The following KPNA5 variants were observed in gnomAD, a reference collection of about 807,000 sequenced individuals.
The protein encoded by KPNA5 is karyopherin subunit alpha 5.
In KPNA5, 46 loss-of-function variants were observed where a neutral mutation model predicts 71.3. The ratio of observed to expected loss-of-function variants is 0.65; its 90% CI spans 0.51 to 0.83. The LOEUF (loss-of-function observed/expected upper bound fraction) is 0.83. Among genes scored for constraint, KPNA5 ranks in the 40% least tolerant of loss-of-function variants. KPNA5 has a pLI of 0.00. For missense variants in KPNA5, 547 were observed against 628.3 expected (o/e 0.87, Z 1.38); for synonymous variants, 207 against 201.4 (o/e 1.03, Z -0.24).
At chr6:116,700,393 C>T (rs1778184388) in intron 5 of KPNA5, among the ~76,000 whole-genome samples, 2 of 152,152 alleles carry the variant, frequency 1.3e-5, no homozygotes, top group South Asian at 4.2e-4. Context: ...TAACTTGAGC[C>T]CAGACGTTTG....
intron 6 of KPNA5, among the ~76,000 whole-genome samples, chr6:116,702,558 C>T (rs1778270130): frequency 6.6e-6 from 1 of 152,082 alleles, no homozygotes. Context: ...TGCCACAGCT[C>T]CTCAAGAAGC....
chr6:116,734,995 T>C lies in KPNA5; in HGVS notation c.*2672T>C, dbSNP rs886644556. On this transcript the variant is annotated 3_prime_UTR_variant, in exon 14 of 14. Coordinates refer to ENST00000368564, the MANE Select transcript of KPNA5 (RefSeq NM_001366306.2). ...GTTTTATTTTGTCTGAATCTGAATT[T>C]CTCCTATTTAATCTATGCAATTATG... 6 of 151,718 alleles carry C rather than the reference T, an allele frequency of 4.0e-5. No homozygotes were observed. The highest frequency in any genetic ancestry group is 2.1e-4 in the South Asian group (1 of 4,832). The allele number at this position is 151,718 out of a possible 1,614,324, so 9.4% of individuals were successfully genotyped here. A position where few individuals can be genotyped will look rare whatever the true frequency, so the allele number is the denominator to read the frequency against.
At chr6:116,713,514 C>T (rs1358064856) in intron 7 of KPNA5, among the ~76,000 whole-genome samples, 2 of 152,034 alleles carry the variant, frequency 1.3e-5, no homozygotes, top group Admixed American at 1.3e-4. Flanking sequence ...TTACTTGTGT[C>T]TTGGTATGTG....
At chr6:116,722,684 G>T (rs1037091543) in intron 9 of KPNA5, among the ~76,000 whole-genome samples, 1 of 152,092 alleles carries the variant, frequency 6.6e-6, no homozygotes, top group Non-Finnish European at 1.5e-5. Flanking sequence ...TTGAGTAAAA[G>T]TCCATGTAGT....
chr6:116,711,536 A>ATGTGTGTGTGTGTG (rs1491586756), intron 7 of KPNA5, among the ~76,000 whole-genome samples: 2 of 105,954 alleles, frequency 1.9e-5, no homozygotes, highest in African/African-American at 9.3e-5. Context: ...TATTTTCTGC[A>ATGTGTGTGTGTGTG]TATGTGTGTG....
chr6:116,702,244 C>A, intron 6 of KPNA5, 94 bp downstream of exon 6: 2 of 1,310,716 alleles, frequency 1.5e-6, no homozygotes, highest in East Asian at 2.3e-5. Context: ...ATTTTTGTTT[C>A]TAATTGCTGT....
chr6:116,708,000 A>G lies in KPNA5; in HGVS notation c.656+2840A>G, dbSNP rs1433582840. Among the ~76,000 whole-genome samples, 9 of 152,376 alleles carry G rather than the reference A, an allele frequency of 5.9e-5. No homozygotes were observed. In the South Asian group the frequency reaches 1.4e-3, roughly 25 times the overall value. On this transcript the variant is annotated intron_variant, in intron 7 of 13. Coordinates refer to ENST00000368564, the MANE Select transcript of KPNA5 (RefSeq NM_001366306.2). ...ATACTGTATATATCACATAAGTGGA[A>G]TCATACAATATATTACCTTTGTGTC...
intron 8 of KPNA5, among the ~76,000 whole-genome samples, chr6:116,717,152 C>G (rs1371950444): frequency 6.6e-6 from 1 of 152,168 alleles, no homozygotes; most frequent in Non-Finnish European, 1.5e-5. Flanking sequence ...CATTTTGATA[C>G]TACTGCCGTG....
intron 9 of KPNA5, 53 bp downstream of exon 9, chr6:116,722,342 C>CTATTACTTGAATTGCT: frequency 7.3e-7 from 1 of 1,364,938 alleles, no homozygotes; most frequent in Non-Finnish European, 1.0e-6. Flanking sequence ...TTAAAATTAG[C>CTATTACTTGAATTGCT]AATTCAAGTA....
intron 8 of KPNA5, among the ~76,000 whole-genome samples, chr6:116,721,615 A>ATGCCTTC (rs1284045829): frequency 1.3e-5 from 2 of 152,214 alleles, no homozygotes; most frequent in Non-Finnish European, 2.9e-5. Context: ...TAGGTGCTAC[A>ATGCCTTC]TGCCTTCTTA....
Position 116,725,774 on chromosome 6 carries a change from A to G in KPNA5, c.1023A>G (p.Leu341=). 1 of 1,612,912 alleles carries G rather than the reference A, an allele frequency of 6.2e-7. No homozygotes were observed. Among genetic ancestry groups the G allele is most frequent in the Non-Finnish European group, 8.5e-7 (1 of 1,179,338 alleles). Residue 341 remains leucine (L), a synonymous_variant, in exon 11 of 14, where the codon TTA becomes TTG. Coordinates refer to ENST00000368564, the MANE Select transcript of KPNA5 (RefSeq NM_001366306.2). ...QTQVILNCSA[L]PCLLHLLSSP... Reference sequence around the variant, plus strand: ...AGGTAATTTTGAATTGTTCTGCATTACCCTGTCTCTTACATTTATTGAGTA... The same window carrying G: ...AGGTAATTTTGAATTGTTCTGCATTGCCCTGTCTCTTACATTTATTGAGTA...
intron 1 of KPNA5, among the ~76,000 whole-genome samples, chr6:116,688,832 A>G (rs1490380549): frequency 1.3e-5 from 2 of 152,202 alleles, no homozygotes; most frequent in African/African-American, 4.8e-5. Flanking sequence ...AAGTGAAAGA[A>G]GCCAGACCCC....
chr6:116,729,557 C>A lies in KPNA5; in HGVS notation c.1254-6C>A. The A allele has an allele frequency of 6.8e-7, 1 of 1,474,798 alleles. No individual in the cohort carries two copies. The highest frequency in any genetic ancestry group is 2.2e-5 in the Admixed American group (1 of 45,986). 91.4% of individuals were successfully genotyped at this position (1,474,798 alleles called of 1,614,324 possible). Reference sequence around the variant, plus strand: ...CCTGTTTCTTCTCTTTTATATTAATCTGAAGGTATTTGGTAGCTTTAGGCT... The same window carrying A: ...CCTGTTTCTTCTCTTTTATATTAATATGAAGGTATTTGGTAGCTTTAGGCT... On this transcript the variant is annotated splice_region_variant and splice_polypyrimidine_tract_variant and intron_variant, in intron 12 of 13. Coordinates refer to ENST00000368564, the MANE Select transcript of KPNA5 (RefSeq NM_001366306.2).
At chr6:116,697,124 A>G (rs1052695092) in intron 4 of KPNA5, among the ~76,000 whole-genome samples, 3 of 152,086 alleles carry the variant, frequency 2.0e-5, no homozygotes, top group Admixed American at 6.6e-5. Flanking sequence ...ATAGGATAAT[A>G]TATTTATGAT....
chr6:116,698,098 A>G (rs146808045), intron 4 of KPNA5, among the ~76,000 whole-genome samples: 104 of 152,152 alleles, frequency 6.8e-4, no homozygotes, highest in African/African-American at 2.4e-3. Context: ...AAGCCAAGGT[A>G]GAGGAAAGAG....
chr6:116,699,747 C>G (rs1778161027), intron 5 of KPNA5, among the ~76,000 whole-genome samples: 1 of 152,126 alleles, frequency 6.6e-6, no homozygotes, highest in African/African-American at 2.4e-5. Flanking sequence ...AGCCCTAAGT[C>G]CAGACTAAAA....
At chr6:116,693,445 G>A (rs1777887580) in intron 4 of KPNA5, among the ~76,000 whole-genome samples, 1 of 152,296 alleles carries the variant, frequency 6.6e-6, no homozygotes, top group South Asian at 2.1e-4. Context: ...GCGTGAGATG[G>A]TATCTCATTG....
rs116013865 is a variant in KPNA5 at position 116,709,625 on chromosome 6, A to G, written c.656+4465A>G. Among the ~76,000 whole-genome samples, 632 of 152,254 alleles carry G rather than the reference A, an allele frequency of 4.2e-3. 4 individuals are homozygous for G. Among genetic ancestry groups the G allele is most frequent in the African/African-American group, 0.014 (594 of 41,548 alleles). ...TGCTTTGGATAGAGCTTCCATTACA[A>G]TGTTATTTAGAAGTGGCAAAAATGA... On this transcript the variant is annotated intron_variant, in intron 7 of 13. Coordinates refer to ENST00000368564, the MANE Select transcript of KPNA5 (RefSeq NM_001366306.2).
intron 7 of KPNA5, among the ~76,000 whole-genome samples, chr6:116,715,052 T>G (rs1778831721): frequency 6.6e-6 from 1 of 152,198 alleles, no homozygotes. Context: ...CATAAACTTT[T>G]GACTATCTTC....
Sources: gnomAD v4.1 joint callset for allele counts (sites outside exome capture counted in the v4.1 genomes callset) on GRCh38, gnomAD v4.1.1 for gene constraint, MANE v1.5 for transcripts, NCBI Gene and HGNC (gene_info 2026-07-23, HGNC 2026-07-21) for gene names.